The following KNL1 variants were observed in gnomAD, a reference collection of about 807,000 sequenced individuals.
KNL1 encodes outer kinetochore KNL1 complex subunit KNL1.
KNL1 carries 66 observed loss-of-function variants against 201.3 expected under a neutral mutation model. The ratio of observed to expected loss-of-function variants is 0.33; its 90% CI spans 0.27 to 0.40. KNL1 has a LOEUF of 0.40. Among genes scored for constraint, KNL1 ranks in the 10% least tolerant of loss-of-function variants. The pLI is 1.00. For missense variants in KNL1, 2,815 were observed against 2,690.5 expected (o/e 1.05, Z -1.02); for synonymous variants, 895 against 899.2 (o/e 1.00, Z 0.08).
rs953144684 is a variant in KNL1, at chr15:40,662,449, C to T, written c.*261C>T. 3.0e-6 allele frequency: 1 copy of T among 335,212 alleles called. No homozygotes were observed. Among genetic ancestry groups the T allele is most frequent in the Non-Finnish European group, 5.5e-6 (1 of 182,864 alleles). The allele number at this position is 335,212 out of a possible 1,614,324, so 20.8% of individuals were successfully genotyped here. A position where few individuals can be genotyped will look rare whatever the true frequency, so the allele number is the denominator to read the frequency against. On this transcript the variant is annotated 3_prime_UTR_variant, in exon 26 of 26. Transcript: ENST00000399668. ...AATAGGACACTTAGGAAAAATGTCT[C>T]CTAACTAAACTAGTGCTTTCTGCTT... is the stretch of plus-strand genomic sequence containing the variant.
At chr15:40,595,787 C>A (rs9806221) in intron 1 of KNL1, among the ~76,000 whole-genome samples, 117,892 of 152,040 alleles carry the variant, frequency 0.78, 46,734 homozygotes, top group Non-Finnish European at 0.85. Flanking sequence ...ATTTTATTTT[C>A]ATTAATTTAA....
intron 13 of KNL1, among the ~76,000 whole-genome samples, 156 bp downstream of exon 13, chr15:40,629,527 G>T (rs1174500165): frequency 1.2e-5 from 1 of 83,150 alleles, no homozygotes; most frequent in Admixed American, 1.9e-4. Flanking sequence ...TTTTTGAGAT[G>T]GAGTCTCGCT....
Position 40,617,975 on chromosome 15 carries a change from T to TAAAAAAAAAAA in KNL1, c.323-955_323-945dup, listed in dbSNP as rs71104706. ...CCTGAAATATAAATAAGGCTTTTAGTAAAAAAAAAAAAAAAAAAAAAAAAA... is the reference window on the plus strand; with the variant it reads ...CCTGAAATATAAATAAGGCTTTTAGTAAAAAAAAAAAAAAAAAAAAAAAAAAAAAAAAAAAA... On this transcript the variant is annotated intron_variant, in intron 8 of 25. Coordinates refer to ENST00000399668, the MANE Select transcript of KNL1 (RefSeq NM_144508.5). Among the ~76,000 whole-genome samples the TAAAAAAAAAAA allele has an allele frequency of 9.1e-4, 43 of 47,230 alleles. 5 individuals are homozygous for TAAAAAAAAAAA. Among genetic ancestry groups the TAAAAAAAAAAA allele is most frequent in the Non-Finnish European group, 1.2e-3 (34 of 29,534 alleles). The allele number at this position is 47,230 out of a possible 152,430, so 31.0% of individuals were successfully genotyped here.
rs535397796 is a variant in KNL1 at position 40,625,692 on chromosome 15, G to A, written c.5376+52G>A. 4.3e-4 allele frequency: 619 copies of A among 1,451,600 alleles called. 7 individuals are homozygous for A. The South Asian group carries it at 6.2e-3, about 14-fold the overall frequency. The allele number at this position is 1,451,600 out of a possible 1,614,324, so 89.9% of individuals were successfully genotyped here. On this transcript the variant is annotated intron_variant, in intron 10 of 25. Transcript: ENST00000399668. Reference sequence around the variant, plus strand: ...GTTCTTGAATTTTGGGTTTTGTTTTGTTTTCTTAAATTGTGGGTATTCTCA... The same window carrying A: ...GTTCTTGAATTTTGGGTTTTGTTTTATTTTCTTAAATTGTGGGTATTCTCA...
rs765489557 is a variant in KNL1, at chr15:40,622,866, G to A, written c.2602G>A (p.Asp868Asn). Residue 868 changes from aspartate (D) to asparagine (N), a missense_variant, in exon 10 of 26, where the codon GAT (aspartate) becomes AAT (asparagine). Physicochemically the swap from Asp to Asn is conservative, Grantham distance 23 (BLOSUM62 1). Around this residue, in one of 3 missense-constraint regions of KNL1, gnomAD observed 2,464 missense variants for 2,291.7 expected, o/e 1.08. Coordinates refer to ENST00000399668, the MANE Select transcript of KNL1 (RefSeq NM_144508.5). ...TAAGACTATTGTATTTTCAGAAGAC[G>A]ATAAGAATGATATGGATATCACTAA... ...IDKTIVFSED[D>N]KNDMDITKSY... The A allele has an allele frequency of 1.4e-5, 22 of 1,612,880 alleles. No homozygotes were observed. The highest frequency in any genetic ancestry group is 5.0e-5 in the Admixed American group (3 of 59,912).
At position 40,623,981 on chromosome 15, in the gene KNL1, AACT is replaced by A. The variant is rs1169238822; in HGVS notation, c.3722_3724del (p.Thr1241del). The A allele has an allele frequency of 1.2e-6, 2 of 1,613,876 alleles. No individual in the cohort carries two copies. The highest frequency in any genetic ancestry group is 4.5e-5 in the East Asian group (2 of 44,876). ...AACAACTCTTTGCTGCTACTAATAG[AACT>A]ACTAATGAAATCATCAAATTTCATA... is the stretch of plus-strand genomic sequence containing the variant. On this transcript the variant is annotated inframe_deletion, in exon 10 of 26. Coordinates refer to ENST00000399668, the MANE Select transcript of KNL1 (RefSeq NM_144508.5).
At chr15:40,655,505 C>G (rs2412542) in intron 22 of KNL1, among the ~76,000 whole-genome samples, 1 of 149,328 alleles carries the variant, frequency 6.7e-6, no homozygotes. Context: ...GCAGGAGAAT[C>G]GCTTGAACCT....
In KNL1 at chr15:40,621,895, A is replaced by T; in HGVS notation, c.1631A>T (p.Lys544Met). Residue 544 changes from lysine (K) to methionine (M), a missense_variant, in exon 10 of 26, where the codon AAG (lysine) becomes ATG (methionine). This residue lies in a region of KNL1 where 2,464 missense variants were observed against 2,291.7 expected (regional missense o/e 1.08). Coordinates refer to ENST00000399668, the MANE Select transcript of KNL1 (RefSeq NM_144508.5). ...TGTAACTCAGTTCCTCATGTATCTA[A>T]GGAAAGAATACAGCAGAGCCTGTCA... ...VNCNSVPHVS[K>M]ERIQQSLSNP... The T allele has an allele frequency of 6.2e-7, 1 of 1,613,944 alleles. No individual in the cohort carries two copies. The highest frequency in any genetic ancestry group is 8.5e-7 in the Non-Finnish European group (1 of 1,179,876).
chr15:40,645,755 C>G lies in KNL1; in HGVS notation c.5989C>G (p.Leu1997Val). Residue 1997 changes from leucine to valine, a missense_variant, in exon 16 of 26, where the codon CTG becomes GTG. This residue lies in a region of KNL1 where 17 missense variants were observed against 36.2 expected (regional missense o/e 0.47). Coordinates refer to ENST00000399668, the MANE Select transcript of KNL1 (RefSeq NM_144508.5). ...HQGKVALYGK[L>V]VQSAQNEREK... The stretch of plus-strand genomic sequence containing the variant: ...AGGAAAAGTGGCTCTGTATGGCAAG[C>G]TGGTGCAGTCAGCTCAGGTAATTTG... The G allele has an allele frequency of 6.3e-7, 1 of 1,593,470 alleles. No homozygotes were observed. The highest frequency in any genetic ancestry group is 8.6e-7 in the Non-Finnish European group (1 of 1,166,374).
chr15:40,602,469 T>C (rs1410103102), intron 1 of KNL1, among the ~76,000 whole-genome samples: 2 of 142,216 alleles, frequency 1.4e-5, no homozygotes, highest in African/African-American at 5.1e-5. Context: ...ATAATGTAGT[T>C]TTTTTCCTTC....
intron 2 of KNL1, among the ~76,000 whole-genome samples, 175 bp downstream of exon 2, chr15:40,603,141 C>A (rs1456857041): frequency 6.6e-6 from 1 of 151,810 alleles, no homozygotes; most frequent in Non-Finnish European, 1.5e-5. Flanking sequence ...GCACAACGTG[C>A]AGGTTTGTTA....
rs74377704 is a variant in KNL1, at chr15:40,625,415, T to C, written c.5151T>C (p.Pro1717=). ...PSQYINEENL[P]VYPDEINSSD... ...AATATATAAATGAGGAAAATCTTCC[T>C]GTATATCCTGATGAGATCAATTCTT... Residue 1717 remains proline (P), a synonymous_variant, in exon 10 of 26, where the codon CCT becomes CCC. Coordinates refer to ENST00000399668, the MANE Select transcript of KNL1 (RefSeq NM_144508.5). The C allele has an allele frequency of 5.3e-3, 8,528 of 1,613,866 alleles. 313 individuals are homozygous for C. The East Asian group carries it at 0.084, about 16-fold the overall frequency.
chr15:40,613,902 A>G (rs1244406150), intron 7 of KNL1, among the ~76,000 whole-genome samples: 1 of 151,974 alleles, frequency 6.6e-6, no homozygotes, highest in East Asian at 1.9e-4. Context: ...GTTTCACGCC[A>G]TTCTCCTGCC....
At chr15:40,596,247 G>A (rs1595909460) in intron 1 of KNL1, among the ~76,000 whole-genome samples, 1 of 152,000 alleles carries the variant, frequency 6.6e-6, no homozygotes, top group African/African-American at 2.4e-5. Context: ...AGAAATTGAA[G>A]GAAAATATGA....
intron 14 of KNL1, among the ~76,000 whole-genome samples, chr15:40,643,541 A>G (rs990464677): frequency 1.3e-5 from 2 of 152,212 alleles, no homozygotes; most frequent in African/African-American, 4.8e-5. Flanking sequence ...GCTACTCGGG[A>G]GGCTAAGGCA....
chr15:40,624,595 A>G lies in KNL1; in HGVS notation c.4331A>G (p.His1444Arg), dbSNP rs139590952. 8.7e-5 allele frequency: 141 copies of G among 1,613,972 alleles called. No homozygotes were observed. The highest frequency in any genetic ancestry group is 1.2e-4 in the Non-Finnish European group (138 of 1,179,878). Residue 1444 changes from histidine to arginine, a missense_variant, in exon 10 of 26, where the codon CAT becomes CGT. Around this residue, in one of 3 missense-constraint regions of KNL1, gnomAD observed 2,464 missense variants for 2,291.7 expected, o/e 1.08. Coordinates refer to ENST00000399668, the MANE Select transcript of KNL1 (RefSeq NM_144508.5). ...GACATTTATGTTATTCCTCAGCCTC[A>G]TTTCTCAACCGACCAACCTCCATTA... The part of the protein sequence containing the change: ...VDDIYVIPQP[H>R]FSTDQPPLPK...
In KNL1 at chr15:40,624,272, A is replaced by G; in HGVS notation, c.4008A>G (p.Gln1336=). The G allele has an allele frequency of 6.2e-7, 1 of 1,614,096 alleles. No individual in the cohort carries two copies. The highest frequency in any genetic ancestry group is 1.3e-5 in the African/African-American group (1 of 75,074). The change falls in exon 10 of 26, where the codon CAA becomes CAG. Residue 1336 remains glutamine, a synonymous_variant. Coordinates refer to ENST00000399668, the MANE Select transcript of KNL1 (RefSeq NM_144508.5). ...DEEKANYCPV[Q]NDLAYANDFA... is the part of the protein sequence containing the mutation. Reference sequence around the variant, plus strand: ...AAAAAGCCAATTATTGCCCAGTGCAAAATGATCTTGCTTATGCAAATGATT... The same window carrying G: ...AAAAAGCCAATTATTGCCCAGTGCAGAATGATCTTGCTTATGCAAATGATT...
In KNL1 at chr15:40,624,459, T is replaced by C; in HGVS notation, c.4195T>C (p.Leu1399=). 6.2e-7 allele frequency: 1 copy of C among 1,613,814 alleles called. No individual in the cohort carries two copies. The highest frequency in any genetic ancestry group is 8.5e-7 in the Non-Finnish European group (1 of 1,179,840). ...QDLIKDPRNL[L]ANQTLVYSQD... ...TCTGATTAAGGATCCACGAAATCTA[T>C]TGGCTAATCAAACTTTAGTATATAG... Residue 1399 remains leucine (L), a synonymous_variant, in exon 10 of 26, where the codon TTG becomes CTG. Transcript: ENST00000399668.
chr15:40,644,396 A>G (rs1357942328), intron 14 of KNL1, among the ~76,000 whole-genome samples: 1 of 152,236 alleles, frequency 6.6e-6, no homozygotes, highest in Non-Finnish European at 1.5e-5. Flanking sequence ...GAATCGAACA[A>G]ATGTACAATC....
Sources: gnomAD v4.1 joint callset for allele counts (sites outside exome capture counted in the v4.1 genomes callset) on GRCh38, gnomAD v4.1.1 for gene constraint, gnomAD v4.1.1 regional missense constraint, MANE v1.5 for transcripts, NCBI Gene and HGNC (gene_info 2026-07-23, HGNC 2026-07-21) for gene names.